The following CRPPA variants were observed in gnomAD, a reference collection of about 807,000 sequenced individuals.
CRPPA encodes D-ribitol-5-phosphate cytidylyltransferase.
CRPPA carries 43 observed loss-of-function variants against 52.0 expected under a neutral mutation model. That is an observed-to-expected ratio of 0.83 (90% CI 0.65 to 1.07). The LOEUF is 1.07. Among genes scored for constraint, CRPPA ranks in the 50% least tolerant of loss-of-function variants. CRPPA has a pLI of 0.00. For missense variants in CRPPA, 629 were observed against 551.7 expected (o/e 1.14, Z -1.40); for synonymous variants, 250 against 203.5 (o/e 1.23, Z -1.94).
At position 16,173,727 on chromosome 7, in the gene CRPPA, T is replaced by G. The variant is rs532033523; in HGVS notation, c.1251+42339A>C. ...AGTTAACAAAGTATTCATTGATCCC[T>G]ACAGAAAAAATGGTTACAAGCCTTT... On this transcript the variant is annotated intron_variant, in intron 9 of 9. Coordinates refer to ENST00000407010, the MANE Select transcript of CRPPA (RefSeq NM_001101426.4). Among the ~76,000 whole-genome samples, 3 of 152,228 alleles carry G rather than the reference T, an allele frequency of 2.0e-5. No homozygotes were observed. In the East Asian group the frequency reaches 5.8e-4, roughly 29 times the overall value.
chr7:16,132,512 G>A (rs1782697911), intron 9 of CRPPA, among the ~76,000 whole-genome samples: 1 of 124,436 alleles, frequency 8.0e-6, no homozygotes, highest in Non-Finnish European at 1.8e-5. Flanking sequence ...AGTAAAATTA[G>A]AGAAGTATAT....
intron 9 of CRPPA, among the ~76,000 whole-genome samples, chr7:16,193,173 T>C (rs1781652680): frequency 6.6e-6 from 1 of 152,164 alleles, no homozygotes; most frequent in Non-Finnish European, 1.5e-5. Context: ...GAACATGATA[T>C]ACGTATCCAT....
rs180927080 is a variant in CRPPA at position 16,129,001 on chromosome 7, A to C, written c.1252-37202T>G. On this transcript the variant is annotated intron_variant, in intron 9 of 9. Coordinates refer to ENST00000407010, the MANE Select transcript of CRPPA (RefSeq NM_001101426.4). Reference sequence around the variant, plus strand: ...AATGTTGGTATGTATTGCTTCAAGTATTGTAGCTAAATCCTAAGAGTAAAA... The same window carrying C: ...AATGTTGGTATGTATTGCTTCAAGTCTTGTAGCTAAATCCTAAGAGTAAAA... Among the ~76,000 whole-genome samples, 3 of 152,314 alleles carry C rather than the reference A, an allele frequency of 2.0e-5. No homozygotes were observed. In the East Asian group the frequency reaches 5.8e-4, roughly 29 times the overall value.
intron 3 of CRPPA, among the ~76,000 whole-genome samples, chr7:16,333,925 T>C (rs527720620): frequency 1.3e-5 from 2 of 152,292 alleles, no homozygotes; most frequent in African/African-American, 2.4e-5. Flanking sequence ...ATGGTTTCTA[T>C]GATGTTTGGA....
At chr7:16,169,444 A>G (rs914263716) in intron 9 of CRPPA, among the ~76,000 whole-genome samples, 1 of 152,232 alleles carries the variant, frequency 6.6e-6, no homozygotes, top group Non-Finnish European at 1.5e-5. Flanking sequence ...ACTGTGTGCC[A>G]GAAAGGTGAA....
chr7:16,216,018 A>G lies in CRPPA; in HGVS notation c.1251+48T>C, dbSNP rs957874793. ...TTTAACAAATCAGATACCTACCATT[A>G]AAACTAGTCTACAGAACATACATTC... is the stretch of plus-strand genomic sequence containing the variant. On this transcript the variant is annotated intron_variant, in intron 9 of 9. Transcript: ENST00000407010. 4 of 1,432,518 alleles carry G rather than the reference A, an allele frequency of 2.8e-6. No homozygotes were observed. In the African/African-American group the frequency reaches 5.8e-5, roughly 21 times the overall value. 88.7% of individuals were successfully genotyped at this position (1,432,518 alleles called of 1,614,324 possible).
At chr7:16,351,753 T>C (rs991774417) in intron 3 of CRPPA, among the ~76,000 whole-genome samples, 24 of 152,060 alleles carry the variant, frequency 1.6e-4, no homozygotes, top group African/African-American at 5.8e-4. Context: ...CATTAAAAAG[T>C]CAGGAAACAA....
chr7:16,317,165 G>A (rs1422404668), intron 3 of CRPPA, among the ~76,000 whole-genome samples: 1 of 152,142 alleles, frequency 6.6e-6, no homozygotes, highest in Non-Finnish European at 1.5e-5. Context: ...AAGTCAAATA[G>A]ACTTGGGTTC....
At chr7:16,099,527 A>AG (rs982572817) in intron 9 of CRPPA, among the ~76,000 whole-genome samples, 40 of 150,924 alleles carry the variant, frequency 2.7e-4, no homozygotes, top group African/African-American at 9.7e-4. Flanking sequence ...AGGGAAGGAG[A>AG]AGGGAAGGGA....
At chr7:16,276,963 C>CT (rs1177286138) in intron 6 of CRPPA, 13 of 152,162 alleles carry the variant, frequency 8.5e-5, no homozygotes, top group Non-Finnish European at 1.8e-4. Context: ...AACTAACAGT[C>CT]TGTACTATCT....
At chr7:16,124,565 T>A (rs1262984202) in intron 9 of CRPPA, among the ~76,000 whole-genome samples, 1 of 152,194 alleles carries the variant, frequency 6.6e-6, no homozygotes, top group Non-Finnish European at 1.5e-5. Context: ...TAGTGGTTAC[T>A]AGTGGCTGGG....
rs181097487 is a variant in CRPPA at position 16,275,579 on chromosome 7, G to A, written c.933+2550C>T. ...GTGCAATGGTCATGCCTGTATTTCC[G>A]CCCTTTGGGAGGCCAACGTGAGAGG... On this transcript the variant is annotated intron_variant, in intron 6 of 9. Transcript: ENST00000407010. 6.6e-5 allele frequency among the ~76,000 whole-genome samples: 10 copies of A among 152,130 alleles called. No individual in the cohort carries two copies. In the South Asian group the frequency reaches 1.2e-3, roughly 19 times the overall value.
At chr7:16,109,738 C>A (rs1252594324) in intron 9 of CRPPA, among the ~76,000 whole-genome samples, 2 of 151,978 alleles carry the variant, frequency 1.3e-5, no homozygotes, top group African/African-American at 2.4e-5. Context: ...GCAAAAAAAG[C>A]ACTTGACAAA....
intron 8 of CRPPA, among the ~76,000 whole-genome samples, chr7:16,233,874 T>C (rs935263758): frequency 1.3e-5 from 2 of 152,194 alleles, no homozygotes; most frequent in Non-Finnish European, 2.9e-5. Context: ...GTAACTTTTG[T>C]TCTACTTTAT....
At chr7:16,106,947 A>G (rs1782164529) in intron 9 of CRPPA, among the ~76,000 whole-genome samples, 1 of 152,154 alleles carries the variant, frequency 6.6e-6, no homozygotes, top group Admixed American at 6.5e-5. Flanking sequence ...TAAAAATTAG[A>G]TAAAAATCCT....
At chr7:16,338,840 G>A (rs1212409719) in intron 3 of CRPPA, among the ~76,000 whole-genome samples, 2 of 139,810 alleles carry the variant, frequency 1.4e-5, no homozygotes, top group African/African-American at 2.7e-5. Context: ...TTTTGAGACA[G>A]AGTGCTGCTC....
chr7:16,361,946 C>T (rs1786458759), intron 3 of CRPPA, among the ~76,000 whole-genome samples: 1 of 152,170 alleles, frequency 6.6e-6, no homozygotes, highest in African/African-American at 2.4e-5. Flanking sequence ...ACTCCACCTC[C>T]CGGGTTCACG....
At chr7:16,395,105 T>C (rs1255710068) in intron 2 of CRPPA, among the ~76,000 whole-genome samples, 2 of 152,304 alleles carry the variant, frequency 1.3e-5, no homozygotes, top group East Asian at 3.9e-4. Context: ...GGAGGCATCA[T>C]TCCTGACTTA....
intron 8 of CRPPA, among the ~76,000 whole-genome samples, chr7:16,218,179 T>C (rs1195438582): frequency 1.3e-5 from 2 of 150,762 alleles, no homozygotes; most frequent in Non-Finnish European, 1.5e-5. Context: ...GAATTTCATA[T>C]CCAGCCAAAC....
Sources: allele counts gnomAD v4.1 joint callset (sites outside exome capture counted in the v4.1 genomes callset), GRCh38; gene constraint gnomAD v4.1.1; transcripts MANE v1.5; gene names NCBI Gene and HGNC (gene_info 2026-07-23, HGNC 2026-07-21).